TAB3: variants seen among roughly 807,000 people sequenced by gnomAD.
TAB3 encodes TGF-beta-activated kinase 1 and MAP3K7-binding protein 3.
Under a neutral mutation model 48.1 loss-of-function variants are expected in TAB3, and 18 were observed. The observed-to-expected ratio is 0.37, with a 90% confidence interval of 0.26 to 0.55. The LOEUF is 0.55. TAB3 is among the 20% of genes least tolerant of loss of function. The pLI is 0.78. For missense variants in TAB3, 414 were observed against 549.8 expected, an observed-to-expected ratio of 0.75 and a Z score of 2.47; for synonymous variants, 185 against 190.2, an observed-to-expected ratio of 0.97 and a Z score of 0.22.
In TAB3 at chrX:30,867,227, G is replaced by A. The variant is rs767671670; in HGVS notation, c.-194-9C>T. On this transcript the variant is annotated splice_polypyrimidine_tract_variant and intron_variant, in intron 3 of 10. Transcript: ENST00000288422. The stretch of plus-strand genomic sequence containing the variant: ...GTTTCCTGGATGGAATCCTGAAAGA[G>A]GAAAAAAAACATGTTCAGTAAAAGT... 1 of 110,821 alleles carries A rather than the reference G, an allele frequency of 9.0e-6. No individual in the cohort carries two copies. The highest frequency in any genetic ancestry group is 3.8e-4 in the South Asian group (1 of 2,653). 9.1% of individuals were successfully genotyped at this position (110,821 alleles called of 1,213,427 possible).
chrX:30,868,316 T>TATA lies in TAB3; in HGVS notation c.-279-768_-279-767insTAT, dbSNP rs1403910662. On this transcript the variant is annotated intron_variant, in intron 2 of 10. Coordinates refer to ENST00000288422, the MANE Select transcript of TAB3 (RefSeq NM_152787.5). ...GTGAAAAGCTATATATATATATAGC[T>TATA]TATATATATATATATATAAGCTTTT... Among the ~76,000 whole-genome samples, 2 of 1,471 alleles carry TATA rather than the reference T, an allele frequency of 1.4e-3. 1 individual carries two copies. The highest frequency in any genetic ancestry group is 5.5e-3 in the African/African-American group (2 of 365). The allele number at this position is 1,471 out of a possible 115,157, so 1.3% of individuals were successfully genotyped here. A position where few individuals can be genotyped will look rare whatever the true frequency, so the allele number is the denominator to read the frequency against.
At chrX:30,878,443 T>C (rs1417759234) in intron 1 of TAB3, among the ~76,000 whole-genome samples, 19 of 100,750 alleles carry the variant, frequency 1.9e-4, no homozygotes, top group African/African-American at 7.2e-4. Flanking sequence ...GGGGTTGCAA[T>C]GAGCTGAGAT....
intron 9 of TAB3, among the ~76,000 whole-genome samples, chrX:30,839,631 C>A (rs1302762116): frequency 9.1e-6 from 1 of 110,107 alleles, no homozygotes; most frequent in Admixed American, 9.8e-5. Context: ...TCAATTGTTA[C>A]AAACGTACCA....
intron 9 of TAB3, chrX:30,836,381 T>C (rs1261975050): frequency 9.0e-6 from 1 of 111,367 alleles, no homozygotes; most frequent in Non-Finnish European, 1.9e-5. Flanking sequence ...CTGCTTGGGG[T>C]AGGAGTCATG....
chrX:30,860,169 A>T (rs1257901059), intron 4 of TAB3, among the ~76,000 whole-genome samples: 5 of 112,153 alleles, frequency 4.5e-5, no homozygotes, highest in Non-Finnish European at 9.4e-5. Context: ...ATAGCTAAAT[A>T]CATACCTACA....
intron 1 of TAB3, among the ~76,000 whole-genome samples, chrX:30,879,946 T>A (rs933343729): frequency 2.7e-5 from 3 of 111,256 alleles, no homozygotes; most frequent in African/African-American, 9.8e-5. Flanking sequence ...ATTTACAATA[T>A]CAAAAAATAT....
rs1475914574 is a variant in TAB3 at position 30,846,524 on chromosome X, TG to T, written c.1804+26del. Reference sequence around the variant, plus strand: ...GCTTAAAATACCACACTATTACTTATGGTTTACCAAATAATCAAGTCTATAC... The same window carrying T: ...GCTTAAAATACCACACTATTACTTATGTTTACCAAATAATCAAGTCTATAC... On this transcript the variant is annotated intron_variant, in intron 8 of 10. Transcript: ENST00000288422. 3 of 1,090,622 alleles carry T rather than the reference TG, an allele frequency of 2.8e-6. No homozygotes were observed. In the East Asian group the frequency reaches 9.2e-5, roughly 33 times the overall value. 89.9% of individuals were successfully genotyped at this position (1,090,622 alleles called of 1,213,427 possible).
chrX:30,833,488 T>C (rs771749344), intron 10 of TAB3, among the ~76,000 whole-genome samples: 1 of 111,515 alleles, frequency 9.0e-6, no homozygotes, highest in Non-Finnish European at 1.9e-5. Flanking sequence ...TAATTTTATA[T>C]TGATTTCATA....
intron 1 of TAB3, among the ~76,000 whole-genome samples, chrX:30,872,480 C>G (rs1939690522): frequency 8.9e-6 from 1 of 111,929 alleles, no homozygotes; most frequent in South Asian, 3.7e-4. Context: ...AATTACTAAT[C>G]TAACATTCAG....
rs756999846 is a variant in TAB3 at position 30,831,560 on chromosome X, G to A, written c.2006C>T (p.Ser669Phe). ...AGGTTGTGTCCGAGGACTTTGTGTGGAGCCAGTTCGATGCTCTGAGGGAGG... is the reference window on the plus strand; with the variant it reads ...AGGTTGTGTCCGAGGACTTTGTGTGAAGCCAGTTCGATGCTCTGAGGGAGG... ...AAAADEHRTG[S>F]TQSPRTQPRD... is the part of the protein sequence containing the mutation. Residue 669 changes from serine (S) to phenylalanine (F), a missense_variant, in exon 11 of 11, where the codon TCC (serine) becomes TTC (phenylalanine). Transcript: ENST00000288422. 55 of 1,209,105 alleles carry A rather than the reference G, an allele frequency of 4.5e-5. No homozygotes were observed. In the East Asian group the frequency reaches 5.0e-4, roughly 11 times the overall value.
intron 7 of TAB3, among the ~76,000 whole-genome samples, chrX:30,851,681 C>T (rs1306961866): frequency 8.9e-6 from 1 of 112,092 alleles, no homozygotes; most frequent in Non-Finnish European, 1.9e-5. Flanking sequence ...TGGCTGCAGA[C>T]ATGCTGACTG....
At chrX:30,885,760 T>G (rs1202457081) in intron 1 of TAB3, among the ~76,000 whole-genome samples, 1 of 111,471 alleles carries the variant, frequency 9.0e-6, no homozygotes. Context: ...CATTGGAGGG[T>G]CTTGACAGTG....
intron 1 of TAB3, among the ~76,000 whole-genome samples, chrX:30,878,599 A>G (rs369947964): frequency 9.0e-6 from 1 of 111,465 alleles, no homozygotes; most frequent in African/African-American, 3.3e-5. Context: ...GATACGATAC[A>G]ATTACCAAAC....
intron 5 of TAB3, among the ~76,000 whole-genome samples, chrX:30,859,270 G>C (rs1939172698): frequency 9.2e-6 from 1 of 109,239 alleles, no homozygotes; most frequent in African/African-American, 3.3e-5. Flanking sequence ...AGAACGTTTA[G>C]TAATTCTACA....
At chrX:30,863,741 C>CTT (rs940324155) in intron 4 of TAB3, among the ~76,000 whole-genome samples, 4 of 112,208 alleles carry the variant, frequency 3.6e-5, no homozygotes, top group Non-Finnish European at 7.5e-5. Flanking sequence ...AATTAAACCT[C>CTT]TTTTCTTTAT....
chrX:30,887,939 T>G (rs1940178552), intron 1 of TAB3, among the ~76,000 whole-genome samples: 1 of 112,199 alleles, frequency 8.9e-6, no homozygotes, highest in African/African-American at 3.2e-5. Flanking sequence ...TTGTAAAGAT[T>G]CATATCACAC....
intron 9 of TAB3, among the ~76,000 whole-genome samples, chrX:30,837,978 A>G (rs1359544846): frequency 2.7e-5 from 3 of 112,644 alleles, no homozygotes; most frequent in African/African-American, 9.7e-5. Context: ...ATCAAATGAC[A>G]GTGTGACTGG....
At chrX:30,839,935 TATATATATA>T (rs1663850087) in intron 9 of TAB3, among the ~76,000 whole-genome samples, 3 of 93,590 alleles carry the variant, frequency 3.2e-5, no homozygotes, top group African/African-American at 1.2e-4. Flanking sequence ...TATATATATA[TATATATATA>T]ATATATATTA....
intron 8 of TAB3, chrX:30,845,438 C>G (rs1484355868): frequency 8.9e-6 from 1 of 111,927 alleles, no homozygotes; most frequent in Non-Finnish European, 1.9e-5. Context: ...GTTGGCAAAC[C>G]TTTTCTGTCA....
Sources: gnomAD v4.1 joint callset for allele counts (sites outside exome capture counted in the v4.1 genomes callset) on GRCh38, gnomAD v4.1.1 for gene constraint, MANE v1.5 for transcripts, NCBI Gene and HGNC (gene_info 2026-07-23, HGNC 2026-07-21) for gene names.